Variants in FBXO36 observed in about 807,000 individuals in gnomAD.
The protein encoded by FBXO36 is F-box protein 36.
Under a neutral mutation model 17.0 loss-of-function variants are expected in FBXO36, and 18 were observed. That is an observed-to-expected ratio of 1.06 (90% CI 0.73 to 1.57). The LOEUF (loss-of-function observed/expected upper bound fraction) is 1.57. FBXO36 is among the 40% of genes most tolerant of loss of function. FBXO36 has a pLI of 0.00. For synonymous variants in FBXO36, 83 were observed against 85.3 expected, an observed-to-expected ratio of 0.97 and a Z score of 0.15; for missense variants, 229 against 221.9, an observed-to-expected ratio of 1.03 and a Z score of -0.20.
intron 1 of FBXO36, among the ~76,000 whole-genome samples, chr2:229,941,106 G>C (rs1326259882): frequency 6.6e-6 from 1 of 152,108 alleles, no homozygotes; most frequent in Non-Finnish European, 1.5e-5. Context: ...TCTACCGACT[G>C]ACCAGCAGCC....
chr2:229,995,495 A>C (rs1316773539), intron 2 of FBXO36, among the ~76,000 whole-genome samples: 1 of 151,968 alleles, frequency 6.6e-6, no homozygotes, highest in Non-Finnish European at 1.5e-5. Context: ...AAAAAATCAT[A>C]ATAATTTTTA....
intron 3 of FBXO36, among the ~76,000 whole-genome samples, chr2:230,004,386 T>C (rs1410529995): frequency 6.6e-6 from 1 of 152,212 alleles, no homozygotes; most frequent in Non-Finnish European, 1.5e-5. Flanking sequence ...TTTGTTTATA[T>C]TTTTGAAAAA....
At chr2:229,963,784 T>C (rs939309280) in intron 1 of FBXO36, among the ~76,000 whole-genome samples, 2 of 152,194 alleles carry the variant, frequency 1.3e-5, no homozygotes, top group African/African-American at 4.8e-5. Flanking sequence ...TTGTCTGTAG[T>C]ATGTAATCCT....
chr2:229,948,800 A>C (rs1230644573), intron 1 of FBXO36, among the ~76,000 whole-genome samples: 1 of 152,174 alleles, frequency 6.6e-6, no homozygotes, highest in African/African-American at 2.4e-5. Flanking sequence ...TCCCTGGGTT[A>C]TGGACTGCCT....
At chr2:229,950,961 T>A (rs2077054488) in intron 1 of FBXO36, among the ~76,000 whole-genome samples, 1 of 151,930 alleles carries the variant, frequency 6.6e-6, no homozygotes, top group African/African-American at 2.4e-5. Flanking sequence ...TGAGACGGAG[T>A]CTCGCACTGT....
intron 1 of FBXO36, among the ~76,000 whole-genome samples, chr2:229,927,169 A>G (rs1304190957): frequency 2.6e-5 from 4 of 152,192 alleles, no homozygotes; most frequent in African/African-American, 9.7e-5. Flanking sequence ...CAGGGCTAGA[A>G]AGAATCTTGA....
chr2:229,933,434 T>C (rs2076949293), intron 1 of FBXO36, among the ~76,000 whole-genome samples: 2 of 152,166 alleles, frequency 1.3e-5, no homozygotes, highest in South Asian at 4.1e-4. Context: ...TGTGCGTTAG[T>C]AGCTGTGTGA....
intron 3 of FBXO36, among the ~76,000 whole-genome samples, chr2:230,002,965 A>G (rs772973654): frequency 2.0e-5 from 3 of 151,922 alleles, no homozygotes; most frequent in East Asian, 1.9e-4. Flanking sequence ...AGTGGCTCAC[A>G]CCTTTGGGAG....
chr2:229,936,831 A>C (rs2076966646), intron 1 of FBXO36, among the ~76,000 whole-genome samples: 1 of 152,240 alleles, frequency 6.6e-6, no homozygotes, highest in Non-Finnish European at 1.5e-5. Flanking sequence ...TGATTGTGCC[A>C]CTGCACTCCA....
At chr2:229,995,757 T>C (rs910653626) in intron 2 of FBXO36, among the ~76,000 whole-genome samples, 6 of 151,966 alleles carry the variant, frequency 3.9e-5, no homozygotes, top group East Asian at 1.9e-4. Context: ...CACGCCTGGC[T>C]AATTTTGTAT....
rs528025385 is a variant in FBXO36, at chr2:229,979,567, G to A, written c.205+3218G>A. ...GGCAGACGCAGGTGGATCACCTGAG[G>A]TCAGGTGTTTGAGACCAGCTTGGCC... On this transcript the variant is annotated intron_variant, in intron 2 of 3. Coordinates refer to ENST00000283946, the MANE Select transcript of FBXO36 (RefSeq NM_174899.5). 5.3e-5 allele frequency among the ~76,000 whole-genome samples: 8 copies of A among 152,072 alleles called. No homozygotes were observed. In the South Asian group the frequency reaches 1.5e-3, roughly 28 times the overall value.
intron 2 of FBXO36, chr2:229,976,587 G>A (rs1407232057): frequency 7.5e-5 from 24 of 318,872 alleles, no homozygotes; most frequent in Admixed American, 2.3e-4. Context: ...TTGGGAGGCC[G>A]AGGCGGGTGG....
intron 1 of FBXO36, among the ~76,000 whole-genome samples, chr2:229,938,053 T>G (rs553536): frequency 6.6e-6 from 1 of 151,836 alleles, no homozygotes; most frequent in Non-Finnish European, 1.5e-5. Flanking sequence ...CTGCAACCTC[T>G]GCCTCCTGGG....
At chr2:229,995,641 G>C (rs2077322975) in intron 2 of FBXO36, among the ~76,000 whole-genome samples, 1 of 114,148 alleles carries the variant, frequency 8.8e-6, no homozygotes, top group African/African-American at 3.4e-5. Context: ...TGCACAGGTT[G>C]GAGTGCAATG....
chr2:229,945,817 G>GTT (rs1201485867), intron 1 of FBXO36, among the ~76,000 whole-genome samples: 1 of 150,920 alleles, frequency 6.6e-6, no homozygotes, highest in Non-Finnish European at 1.5e-5. Context: ...GAGTTCAGGA[G>GTT]TTTGAGACCA....
intron 1 of FBXO36, among the ~76,000 whole-genome samples, chr2:229,929,106 G>A (rs1035643848): frequency 3.3e-5 from 5 of 150,926 alleles, no homozygotes; most frequent in African/African-American, 1.2e-4. Flanking sequence ...GCTAATTTTT[G>A]TATTTTTATT....
chr2:229,925,282 A>C (rs559578127), intron 1 of FBXO36, among the ~76,000 whole-genome samples: 1 of 152,034 alleles, frequency 6.6e-6, no homozygotes, highest in Non-Finnish European at 1.5e-5. Context: ...TAATTAATTC[A>C]CCCTCTTTTT....
intron 2 of FBXO36, among the ~76,000 whole-genome samples, chr2:229,993,922 A>AT (rs897768547): frequency 3.8e-4 from 56 of 145,756 alleles, no homozygotes; most frequent in Middle Eastern, 3.6e-3. Flanking sequence ...CGCCCGGCTA[A>AT]TTTTTTTTTT....
At chr2:229,970,745 A>C (rs1577347835) in intron 1 of FBXO36, among the ~76,000 whole-genome samples, 2 of 152,250 alleles carry the variant, frequency 1.3e-5, no homozygotes, top group South Asian at 4.1e-4. Flanking sequence ...TGTGTATTCC[A>C]CTTATATTTT....
Sources: gnomAD v4.1 joint callset for allele counts (sites outside exome capture counted in the v4.1 genomes callset) on GRCh38, gnomAD v4.1.1 for gene constraint, MANE v1.5 for transcripts, NCBI Gene and HGNC (gene_info 2026-07-23, HGNC 2026-07-21) for gene names.